MLXIPL: variants seen among roughly 807,000 people sequenced by gnomAD.
MLXIPL encodes MLX interacting protein like, also known as carbohydrate-responsive element-binding protein.
MLXIPL carries 49 observed loss-of-function variants against 81.5 expected under a neutral mutation model. That is an observed-to-expected ratio of 0.60 (90% CI 0.48 to 0.76). The LOEUF (loss-of-function observed/expected upper bound fraction) is 0.76. MLXIPL is among the 30% of genes least tolerant of loss of function. The pLI, the probability that MLXIPL is intolerant of heterozygous loss-of-function variation, is 0.00. For synonymous variants in MLXIPL, 466 were observed against 485.5 expected (o/e 0.96, Z 0.53); for missense variants, 1,053 against 1,167.0 (o/e 0.90, Z 1.42).
the MLXIPL span, among the ~76,000 whole-genome samples, chr7:73,638,966 T>G: frequency 4.6e-5 from 7 of 151,600 alleles, no homozygotes; most frequent in African/African-American, 1.7e-4. Flanking sequence ...GAGGTTAAAT[T>G]AAGTAGAGAG....
chr7:73,619,217 T>A (rs1167360666), intron 1 of MLXIPL, among the ~76,000 whole-genome samples: 1 of 151,910 alleles, frequency 6.6e-6, no homozygotes, highest in African/African-American at 2.4e-5. Flanking sequence ...TCCCAGCACT[T>A]TGGGAGGCCG....
At chr7:73,606,557 C>T (rs1795299013) in intron 5 of MLXIPL, 2 of 313,532 alleles carry the variant, frequency 6.4e-6, no homozygotes, top group Admixed American at 4.6e-5. Context: ...TCCTGAGTAG[C>T]TGGGATTGCA....
chr7:73,642,309 A>C, the MLXIPL span, among the ~76,000 whole-genome samples: 2 of 152,024 alleles, frequency 1.3e-5, no homozygotes, highest in Non-Finnish European at 2.9e-5. Flanking sequence ...AGCTCCATGA[A>C]GCCCAACATT....
At chr7:73,602,122 G>GCCTGCCTGCCTT (rs1794895086) in intron 7 of MLXIPL, among the ~76,000 whole-genome samples, 2 of 59,610 alleles carry the variant, frequency 3.4e-5, no homozygotes, top group African/African-American at 1.2e-4. Context: ...CTGCCTGCCT[G>GCCTGCCTGCCTT]CCTGCCTGCC....
intron 2 of MLXIPL, chr7:73,609,843 T>A (rs1795575764): frequency 6.6e-6 from 1 of 151,974 alleles, no homozygotes. Context: ...AGCTAATCTG[T>A]GAATTTTTAA....
the MLXIPL span, among the ~76,000 whole-genome samples, chr7:73,631,646 A>G: frequency 3.0e-5 from 4 of 135,520 alleles, no homozygotes; most frequent in Non-Finnish European, 4.6e-5. Context: ...ACCTCAAGTG[A>G]TCCTCCCACC....
At chr7:73,624,102 G>A (rs1255344887) in intron 1 of MLXIPL, 98 bp downstream of exon 1, 4 of 1,424,748 alleles carry the variant, frequency 2.8e-6, no homozygotes, top group Non-Finnish European at 3.7e-6. Flanking sequence ...ACCGGGCTCG[G>A]GTGGGGTGTT....
the MLXIPL span, among the ~76,000 whole-genome samples, chr7:73,645,529 C>T: frequency 2.6e-5 from 4 of 152,058 alleles, no homozygotes; most frequent in Non-Finnish European, 4.4e-5. Context: ...GTGAGGTGGG[C>T]GCAGGACACA....
chr7:73,625,907 C>T (rs1554603709), upstream of MLXIPL, among the ~76,000 whole-genome samples: 1 of 152,202 alleles, frequency 6.6e-6, no homozygotes, highest in Non-Finnish European at 1.5e-5. Flanking sequence ...ATCCCCTAGG[C>T]AGGCATCTAC....
intron 7 of MLXIPL, among the ~76,000 whole-genome samples, chr7:73,602,130 G>GCCTGCCTGCCTGCCTTCCTTCCTT (rs1461829446): frequency 6.2e-5 from 5 of 80,546 alleles, no homozygotes; most frequent in East Asian, 3.9e-4. Flanking sequence ...CTGCCTGCCT[G>GCCTGCCTGCCTGCCTTCCTTCCTT]CCTTCCTTCC....
the MLXIPL span, among the ~76,000 whole-genome samples, chr7:73,630,102 A>G: frequency 6.6e-6 from 1 of 151,468 alleles, no homozygotes; most frequent in South Asian, 2.1e-4. Context: ...GGTTCACGCC[A>G]TTCTCCTGCC....
the MLXIPL span, among the ~76,000 whole-genome samples, chr7:73,644,868 C>T: frequency 1.4e-3 from 218 of 152,270 alleles, no homozygotes; most frequent in Non-Finnish European, 2.1e-3. Flanking sequence ...CCATGCCGGC[C>T]CCATCAGGGC....
rs1045570767 is a variant in MLXIPL, at chr7:73,602,604, C to T, written c.902-2909G>A. On this transcript the variant is annotated intron_variant, in intron 7 of 16. Coordinates refer to ENST00000313375, the MANE Select transcript of MLXIPL (RefSeq NM_032951.3). ...CTGAGACAGGAGAATTGCTTGAACCCGGGAGGTGGGGGTTGCAGTGAGCCA... is the reference window on the plus strand; with the variant it reads ...CTGAGACAGGAGAATTGCTTGAACCTGGGAGGTGGGGGTTGCAGTGAGCCA... Among the ~76,000 whole-genome samples the T allele has an allele frequency of 8.5e-5, 13 of 152,076 alleles. No individual in the cohort carries two copies. In the East Asian group the frequency reaches 2.1e-3, roughly 25 times the overall value.
At chr7:73,601,996 A>G (rs1419325373) in intron 7 of MLXIPL, among the ~76,000 whole-genome samples, 2 of 151,894 alleles carry the variant, frequency 1.3e-5, no homozygotes, top group Non-Finnish European at 2.9e-5. Context: ...CCATGATAGC[A>G]TGGTGCACGT....
chr7:73,642,668 T>G, the MLXIPL span, among the ~76,000 whole-genome samples: 1 of 152,044 alleles, frequency 6.6e-6, no homozygotes, highest in African/African-American at 2.4e-5. Flanking sequence ...TTTTTAAATT[T>G]ATTTATTTTA....
Position 73,596,119 on chromosome 7 carries a change from G to A in MLXIPL, c.2058+34C>T, listed in dbSNP as rs200894232. ...GGGGGGTCCAGAAAGGGGCCCTGTG[G>A]TTTTGGGGGTGCCAGCCTGGGCCCG... On this transcript the variant is annotated intron_variant, in intron 13 of 16. Coordinates refer to ENST00000313375, the MANE Select transcript of MLXIPL (RefSeq NM_032951.3). The surrounding 1 kb of genome is among the most constrained non-coding windows in gnomAD (Gnocchi z 4.7). 1 of 1,608,578 alleles carries A rather than the reference G, an allele frequency of 6.2e-7. No individual in the cohort carries two copies. The highest frequency in any genetic ancestry group is 8.5e-7 in the Non-Finnish European group (1 of 1,178,880).
chr7:73,640,424 A>AAG, the MLXIPL span, among the ~76,000 whole-genome samples: 3 of 137,848 alleles, frequency 2.2e-5, no homozygotes, highest in Non-Finnish European at 5.0e-5. Flanking sequence ...AAGAAAAAGA[A>AAG]AAAAAGAAAT....
At chr7:73,597,800 C>T in intron 8 of MLXIPL, 87 bp from the exon 9 acceptor site, 1 of 1,015,272 alleles carries the variant, frequency 9.8e-7, no homozygotes, top group Non-Finnish European at 1.3e-6. Flanking sequence ...CCTGCCTTGC[C>T]CTGGCCAAAC....
In MLXIPL at chr7:73,595,849, C is replaced by T. The variant is rs980029010; in HGVS notation, c.2179G>A (p.Ala727Thr). ...LRDEIEELNA[A>T]INLCQQQLPA... is the part of the protein sequence containing the mutation. ...CGCCTGGACCCTGCCTACTTAATGG[C>T]GGCATTGAGCTCCTCAATCTCATCC... Residue 727 changes from alanine (A) to threonine (T), a missense_variant, in exon 14 of 17, where the codon GCC becomes ACC. By Grantham distance (58) the Ala-to-Thr change is moderately conservative. Coordinates refer to ENST00000313375, the MANE Select transcript of MLXIPL (RefSeq NM_032951.3). 1.1e-5 allele frequency: 18 copies of T among 1,605,766 alleles called. No homozygotes were observed. Among genetic ancestry groups the T allele is most frequent in the Admixed American group, 6.8e-5 (4 of 58,708 alleles).
Sources: gnomAD v4.1 joint callset for allele counts (sites outside exome capture counted in the v4.1 genomes callset) on GRCh38, gnomAD v4.1.1 for gene constraint, Gnocchi (gnomAD v3.1) non-coding constraint, MANE v1.5 for transcripts, NCBI Gene and HGNC (gene_info 2026-07-23, HGNC 2026-07-21) for gene names.